TDRD3: variants seen among roughly 807,000 people sequenced by gnomAD.
TDRD3 encodes the protein tudor domain-containing protein 3.
Under a neutral mutation model 86.7 loss-of-function variants are expected in TDRD3, and 45 were observed. That is an observed-to-expected ratio of 0.52 (90% CI 0.41 to 0.67). TDRD3 has a LOEUF of 0.67. Among genes scored for constraint, TDRD3 ranks in the 30% least tolerant of loss-of-function variants. TDRD3 has a pLI of 0.00. For synonymous variants in TDRD3, 298 were observed against 301.7 expected (o/e 0.99, Z 0.13); for missense variants, 814 against 889.0 (o/e 0.92, Z 1.07).
intron 1 of TDRD3, among the ~76,000 whole-genome samples, chr13:60,428,981 GAA>G (rs1313569402): frequency 6.6e-6 from 1 of 151,868 alleles, no homozygotes; most frequent in African/African-American, 2.4e-5. Flanking sequence ...TCCTTCAATA[GAA>G]AAAAATATCT....
intron 3 of TDRD3, among the ~76,000 whole-genome samples, chr13:60,451,399 G>A (rs557646380): frequency 1.3e-5 from 2 of 152,194 alleles, no homozygotes; most frequent in South Asian, 4.1e-4. Flanking sequence ...ACAAGAAATA[G>A]TGTTAGATGC....
At chr13:60,453,641 C>T (rs1354830896) in intron 3 of TDRD3, among the ~76,000 whole-genome samples, 1 of 152,144 alleles carries the variant, frequency 6.6e-6, no homozygotes, top group Non-Finnish European at 1.5e-5. Context: ...CAGTGACTCC[C>T]ATGTTAATCA....
chr13:60,473,211 T>C (rs947045081), intron 5 of TDRD3, among the ~76,000 whole-genome samples: 7 of 152,208 alleles, frequency 4.6e-5, no homozygotes, highest in African/African-American at 1.7e-4. Flanking sequence ...ATAAACTTCA[T>C]CTTTCATCAG....
chr13:60,426,729 G>A (rs1954821547), intron 1 of TDRD3, among the ~76,000 whole-genome samples: 1 of 152,028 alleles, frequency 6.6e-6, no homozygotes, highest in South Asian at 2.1e-4. Flanking sequence ...AAGCACCAAG[G>A]GACAAATGGT....
At chr13:60,561,309 A>T (rs1261471195) in intron 12 of TDRD3, among the ~76,000 whole-genome samples, 1 of 152,196 alleles carries the variant, frequency 6.6e-6, no homozygotes, top group East Asian at 1.9e-4. Flanking sequence ...CTGAACTCAG[A>T]GCCAGAGGCC....
intron 8 of TDRD3, among the ~76,000 whole-genome samples, chr13:60,498,885 T>A (rs1285219401): frequency 6.6e-6 from 1 of 152,128 alleles, no homozygotes; most frequent in African/African-American, 2.4e-5. Context: ...TAGGGGCTTA[T>A]GGAGGTCAGG....
rs1421054550 is a variant in TDRD3 at position 60,529,173 on chromosome 13, A to C, written c.1948A>C (p.Lys650Gln). Residue 650 changes from lysine (K) to glutamine (Q), a missense_variant, in exon 11 of 14, where the codon AAA becomes CAA. By Grantham distance (53) the Lys-to-Gln change is moderately conservative (BLOSUM62 1). Coordinates refer to ENST00000377881, the MANE Select transcript of TDRD3 (RefSeq NM_001146070.2). Reference protein sequence around the residue: ...SIPMEYAKMWKPGDECFALYW... With the variant: ...SIPMEYAKMWQPGDECFALYW... Reference sequence around the variant, plus strand: ...TCCTATGGAGTATGCAAAAATGTGGAAACCTGGAGATGAATGTTTTGCACT... The same window carrying C: ...TCCTATGGAGTATGCAAAAATGTGGCAACCTGGAGATGAATGTTTTGCACT... 3.1e-6 allele frequency: 5 copies of C among 1,608,936 alleles called. No individual in the cohort carries two copies. In the Admixed American group the frequency reaches 8.5e-5, roughly 27 times the overall value.
intron 4 of TDRD3, among the ~76,000 whole-genome samples, chr13:60,464,650 G>T (rs1955879060): frequency 6.6e-6 from 1 of 152,034 alleles, no homozygotes; most frequent in Non-Finnish European, 1.5e-5. Flanking sequence ...CTTGTCATTT[G>T]CAACAACAGG....
At chr13:60,527,167 A>G (rs1013762946) in intron 10 of TDRD3, among the ~76,000 whole-genome samples, 3 of 152,070 alleles carry the variant, frequency 2.0e-5, no homozygotes, top group African/African-American at 7.2e-5. Flanking sequence ...TTAATCAGTG[A>G]CCTGTTTTGT....
chr13:60,405,720 G>A (rs1206247537), intron 1 of TDRD3, among the ~76,000 whole-genome samples: 1 of 152,184 alleles, frequency 6.6e-6, no homozygotes, highest in Non-Finnish European at 1.5e-5. Flanking sequence ...TGTTGGCCAT[G>A]TTAGGATTTA....
chr13:60,488,577 T>G (rs1044363190), intron 7 of TDRD3, among the ~76,000 whole-genome samples: 4 of 151,986 alleles, frequency 2.6e-5, no homozygotes, highest in African/African-American at 9.7e-5. Context: ...TGGGTTTTTT[T>G]GTTTTTTTTT....
Position 60,509,707 on chromosome 13 carries a change from T to G in TDRD3, c.859-56T>G, listed in dbSNP as rs753103542. 14 of 1,605,652 alleles carry G rather than the reference T, an allele frequency of 8.7e-6. No homozygotes were observed. The East Asian group carries it at 3.1e-4, about 36-fold the overall frequency. ...TAAAAGACAGTAAGTAGTTAAAAGT[T>G]TATGCCTTGCCTTATCTGTGGGCTA... On this transcript the variant is annotated intron_variant, in intron 8 of 13. Transcript: ENST00000377881.
intron 5 of TDRD3, among the ~76,000 whole-genome samples, chr13:60,478,195 T>C (rs966327903): frequency 9.2e-5 from 14 of 152,098 alleles, no homozygotes; most frequent in African/African-American, 3.4e-4. Flanking sequence ...ATCTTTTGTA[T>C]TTCTGTGGGA....
At position 60,398,423 on chromosome 13, in the gene TDRD3, C is replaced by T. The variant is rs1398397200; in HGVS notation, c.41+1018C>T. Among the ~76,000 whole-genome samples the T allele has an allele frequency of 3.9e-5, 6 of 152,278 alleles. No homozygotes were observed. The East Asian group carries it at 1.2e-3, about 29-fold the overall frequency. On this transcript the variant is annotated intron_variant, in intron 1 of 13. Transcript: ENST00000377881. ...ACTTGGAAAGATGGTAAGGAAAAGG[C>T]TTTCTAGCACAGAGCTGCTGGAGAT... is the stretch of plus-strand genomic sequence containing the variant.
intron 8 of TDRD3, among the ~76,000 whole-genome samples, chr13:60,507,467 A>G (rs560613253): frequency 6.6e-6 from 1 of 152,346 alleles, no homozygotes; most frequent in East Asian, 1.9e-4. Context: ...GCAAATGCAA[A>G]AGAACGAAAA....
intron 3 of TDRD3, among the ~76,000 whole-genome samples, chr13:60,453,739 C>G (rs1955600653): frequency 6.6e-6 from 1 of 152,182 alleles, no homozygotes; most frequent in Non-Finnish European, 1.5e-5. Flanking sequence ...GCTATGTGAA[C>G]AAACACCCAC....
At chr13:60,434,153 C>G (rs1955028638) in intron 1 of TDRD3, 1 of 152,072 alleles carries the variant, frequency 6.6e-6, no homozygotes, top group African/African-American at 2.4e-5. Context: ...GAAGCATTTT[C>G]TAAAATCCCT....
rs145966834 is a variant in TDRD3, at chr13:60,401,989, C to G, written c.41+4584C>G. Among the ~76,000 whole-genome samples the G allele has an allele frequency of 1.3e-4, 20 of 152,284 alleles. 1 individual carries two copies. The highest frequency in any genetic ancestry group is 1.3e-3 in the Admixed American group (20 of 15,302). ...TAGGTTATAAAGTGATTATTGCACT[C>G]TTGTATTCAAGGGCCCACTCTATTC... On this transcript the variant is annotated intron_variant, in intron 1 of 13. Transcript: ENST00000377881.
intron 11 of TDRD3, among the ~76,000 whole-genome samples, chr13:60,531,632 G>A (rs550377226): frequency 6.6e-6 from 1 of 152,162 alleles, no homozygotes; most frequent in South Asian, 2.1e-4. Flanking sequence ...TCATACCCTG[G>A]GTAGTAACTG....
Sources: allele counts gnomAD v4.1 joint callset (sites outside exome capture counted in the v4.1 genomes callset), GRCh38; gene constraint gnomAD v4.1.1; transcripts MANE v1.5; gene names NCBI Gene and HGNC (gene_info 2026-07-23, HGNC 2026-07-21).